Variants in KANSL2 observed in about 807,000 individuals in gnomAD.
KANSL2 encodes KAT8 regulatory NSL complex subunit 2.
KANSL2 carries 34 observed loss-of-function variants against 55.6 expected under a neutral mutation model. The ratio of observed to expected loss-of-function variants is 0.61; its 90% CI spans 0.46 to 0.81. The LOEUF is 0.81. Among genes scored for constraint, KANSL2 ranks in the 40% least tolerant of loss-of-function variants. The pLI is 0.00. For missense variants in KANSL2, 502 were observed against 609.9 expected, an observed-to-expected ratio of 0.82 and a Z score of 1.86; for synonymous variants, 209 against 214.3, an observed-to-expected ratio of 0.98 and a Z score of 0.22.
chr12:48,669,289 C>T lies in KANSL2; in HGVS notation c.710-17G>A. On this transcript the variant is annotated splice_polypyrimidine_tract_variant and intron_variant, in intron 5 of 9. Transcript: ENST00000420613. ...GACTACTGCCTAGAGTTACAAGAGT[C>T]AAGATGTTATTTGCCAAGCAATCCA... 1.3e-6 allele frequency: 2 copies of T among 1,512,846 alleles called. No individual in the cohort carries two copies. The highest frequency in any genetic ancestry group is 8.9e-7 in the Non-Finnish European group (1 of 1,127,224). 93.7% of individuals were successfully genotyped at this position (1,512,846 alleles called of 1,614,324 possible).
intron 4 of KANSL2, among the ~76,000 whole-genome samples, chr12:48,674,489 A>G (rs1939785217): frequency 6.6e-6 from 1 of 152,192 alleles, no homozygotes; most frequent in Admixed American, 6.5e-5. Flanking sequence ...AGGCACTGAA[A>G]TACACAGAAT....
Position 48,654,150 on chromosome 12 carries a change from C to T in KANSL2, c.1373G>A (p.Gly458Glu). 9.3e-6 allele frequency: 15 copies of T among 1,608,224 alleles called. No individual in the cohort carries two copies. The highest frequency in any genetic ancestry group is 1.3e-5 in the Non-Finnish European group (15 of 1,178,182). ...ATTTCGAGATCCCTGGGATCTGCAC[C>T]CATCTCCAGCCATCTGCATCTGGCC... ...ILGQMQMAGD[G>E]CRSQGSRNSE... The change falls in exon 10 of 10, where the codon GGG (glycine) becomes GAG (glutamate). Residue 458 changes from glycine to glutamate, a missense_variant. Physicochemically the swap from Gly to Glu is moderately conservative, Grantham distance 98. Transcript: ENST00000420613.
intron 2 of KANSL2, 150 bp downstream of exon 2, chr12:48,681,232 T>C (rs1939919980): frequency 3.7e-6 from 3 of 800,540 alleles, no homozygotes; most frequent in Admixed American, 6.1e-5. Flanking sequence ...CTTTCCAGTC[T>C]TCACCGTTTT....
intron 7 of KANSL2, chr12:48,661,233 C>T (rs1012974839): frequency 2.1e-6 from 2 of 971,618 alleles, no homozygotes; most frequent in Non-Finnish European, 2.4e-6. Context: ...CAGAGGAATC[C>T]TTTTATGATC....
At chr12:48,657,473 G>A (rs528482549) in intron 8 of KANSL2, among the ~76,000 whole-genome samples, 115 of 152,030 alleles carry the variant, frequency 7.6e-4, no homozygotes, top group Middle Eastern at 3.4e-3. Context: ...GAAACATAGG[G>A]CACAGGATAC....
At position 48,660,545 on chromosome 12, in the gene KANSL2, C is replaced by G; in HGVS notation, c.1048G>C (p.Val350Leu). 1 of 1,613,476 alleles carries G rather than the reference C, an allele frequency of 6.2e-7. No individual in the cohort carries two copies. The highest frequency in any genetic ancestry group is 8.5e-7 in the Non-Finnish European group (1 of 1,179,690). Residue 350 changes from valine (V) to leucine (L), a missense_variant, in exon 8 of 10, where the codon GTT becomes CTT. Coordinates refer to ENST00000420613, the MANE Select transcript of KANSL2 (RefSeq NM_017822.4). Reference sequence around the variant, plus strand: ...GGATCCTCAGAGAGGCTTACAGGAACAGGTTTGTTGCAGGGTACCTCTTCA... The same window carrying G: ...GGATCCTCAGAGAGGCTTACAGGAAGAGGTTTGTTGCAGGGTACCTCTTCA... ...GSEEVPCNKP[V>L]PVSLSEDPCC...
Position 48,660,622 on chromosome 12 carries a change from G to A in KANSL2, c.974-3C>T. ...CTGATTCGTATCCTGACAAATATCT[G>A]TAGAAAAATGGTCAAGGGAAATAAA... On this transcript the variant is annotated splice_polypyrimidine_tract_variant and splice_region_variant and intron_variant, in intron 7 of 9. Transcript: ENST00000420613. 1 of 1,608,646 alleles carries A rather than the reference G, an allele frequency of 6.2e-7. No homozygotes were observed. Among genetic ancestry groups the A allele is most frequent in the Non-Finnish European group, 8.5e-7 (1 of 1,176,698 alleles).
intron 7 of KANSL2, 192 bp downstream of exon 7, chr12:48,667,501 T>C (rs773846936): frequency 1.4e-6 from 1 of 719,158 alleles, no homozygotes; most frequent in East Asian, 2.7e-5. Context: ...TCCAAAGTTA[T>C]GAAATGGCCA....
At chr12:48,672,408 C>CAT (rs1939735995) in intron 4 of KANSL2, among the ~76,000 whole-genome samples, 7 of 104,344 alleles carry the variant, frequency 6.7e-5, no homozygotes, top group African/African-American at 1.1e-4. Context: ...TATATATATA[C>CAT]GTATATATAT....
intron 7 of KANSL2, among the ~76,000 whole-genome samples, chr12:48,665,131 C>G (rs558667721): frequency 6.4e-4 from 97 of 152,154 alleles, no homozygotes; most frequent in African/African-American, 2.2e-3. Context: ...TTTGCACAAC[C>G]ATTTTATATA....
intron 9 of KANSL2, chr12:48,654,412 CCTA>C (rs1939337799): frequency 1.3e-6 from 1 of 742,864 alleles, no homozygotes; most frequent in African/African-American, 1.7e-5. Flanking sequence ...ATAGCCATTC[CCTA>C]CTGAGGTCCC....
At position 48,661,857 on chromosome 12, in the gene KANSL2, T is replaced by C. The variant is rs554580008; in HGVS notation, c.974-1238A>G. Reference sequence around the variant, plus strand: ...GTCAGTAGCACCTCCATCTGAGTTGTAACAACCAAAAATTTCTCCACACAT... The same window carrying C: ...GTCAGTAGCACCTCCATCTGAGTTGCAACAACCAAAAATTTCTCCACACAT... On this transcript the variant is annotated intron_variant, in intron 7 of 9. Transcript: ENST00000420613. Among the ~76,000 whole-genome samples the C allele has an allele frequency of 2.0e-5, 3 of 152,266 alleles. No individual in the cohort carries two copies. The South Asian group carries it at 6.2e-4, about 32-fold the overall frequency.
At chr12:48,656,791 C>T (rs774553417) in intron 8 of KANSL2, 8 of 495,954 alleles carry the variant, frequency 1.6e-5, no homozygotes, top group Non-Finnish European at 2.4e-5. Flanking sequence ...TAAGGCAATA[C>T]AAACTCAAAC....
At chr12:48,654,641 G>C (rs1939342851) in intron 9 of KANSL2, 3 of 505,912 alleles carry the variant, frequency 5.9e-6, no homozygotes, top group South Asian at 5.6e-5. Flanking sequence ...TAGATTCCTT[G>C]TCTCAAGCTT....
At chr12:48,666,309 G>C (rs1198954309) in intron 7 of KANSL2, among the ~76,000 whole-genome samples, 2 of 151,846 alleles carry the variant, frequency 1.3e-5, no homozygotes, top group Non-Finnish European at 2.9e-5. Context: ...CCCAGCATTT[G>C]GGGAGGAAAG....
chr12:48,676,864 G>C (rs1016465726), intron 4 of KANSL2, among the ~76,000 whole-genome samples: 1 of 152,102 alleles, frequency 6.6e-6, no homozygotes, highest in South Asian at 2.1e-4. Context: ...ATTGCCCTTT[G>C]TGTAACAAGC....
At chr12:48,660,716 T>C (rs1033190865) in intron 7 of KANSL2, 97 bp from the exon 8 acceptor site, 9 of 1,212,948 alleles carry the variant, frequency 7.4e-6, no homozygotes, top group Non-Finnish European at 9.0e-6. Flanking sequence ...GTGTGGACTA[T>C]ATAAGATAAA....
At chr12:48,665,584 A>G (rs1012859166) in intron 7 of KANSL2, among the ~76,000 whole-genome samples, 2 of 152,172 alleles carry the variant, frequency 1.3e-5, no homozygotes, top group African/African-American at 2.4e-5. Context: ...AATAAAGAAA[A>G]TAAGTTTTAA....
In KANSL2 at chr12:48,653,945, G is replaced by C; in HGVS notation, c.*99C>G. 4 of 1,258,736 alleles carry C rather than the reference G, an allele frequency of 3.2e-6. No individual in the cohort carries two copies. Among genetic ancestry groups the C allele is most frequent in the Non-Finnish European group, 4.3e-6 (4 of 929,158 alleles). 78.0% of individuals were successfully genotyped at this position (1,258,736 alleles called of 1,614,324 possible). ...ATACTCAATCCAGAAGAAAAACAAG[G>C]TAGTCTGGGTTGCCTGTGTTTTGTG... On this transcript the variant is annotated 3_prime_UTR_variant, in exon 10 of 10. Transcript: ENST00000420613.
Sources: allele counts gnomAD v4.1 joint callset (sites outside exome capture counted in the v4.1 genomes callset), GRCh38; gene constraint gnomAD v4.1.1; transcripts MANE v1.5; gene names NCBI Gene and HGNC (gene_info 2026-07-23, HGNC 2026-07-21).